CCDC171: variants seen among roughly 807,000 people sequenced by gnomAD.
CCDC171 encodes the protein coiled-coil domain containing 171.
In CCDC171, 177 loss-of-function variants were observed where a neutral mutation model predicts 168.2. That is an observed-to-expected ratio of 1.05 (90% CI 0.93 to 1.19). CCDC171 has a LOEUF of 1.19. Ranked by LOEUF, CCDC171 falls within the 50% of genes most tolerant of loss-of-function variation. The pLI is 0.00. For synonymous variants in CCDC171, 687 were observed against 540.8 expected (o/e 1.27, Z -3.75); for missense variants, 1,991 against 1,539.0 (o/e 1.29, Z -4.91).
chr9:15,582,616 G>A (rs2041220493), intron 4 of CCDC171, among the ~76,000 whole-genome samples: 1 of 152,140 alleles, frequency 6.6e-6, no homozygotes, highest in African/African-American at 2.4e-5. Context: ...AAAAGGATGA[G>A]TTCATGTCCT....
chr9:15,946,584 G>C (rs1247807487), intron 25 of CCDC171, among the ~76,000 whole-genome samples: 1 of 151,968 alleles, frequency 6.6e-6, no homozygotes, highest in Non-Finnish European at 1.5e-5. Context: ...TCGTGAAAAT[G>C]GCCATACTGC....
intron 2 of CCDC171, among the ~76,000 whole-genome samples, chr9:15,566,499 C>T (rs1050874730): frequency 1.3e-5 from 2 of 152,330 alleles, no homozygotes; most frequent in African/African-American, 4.8e-5. Flanking sequence ...GCGGAGATTG[C>T]AGTGAGCCTA....
intron 6 of CCDC171, among the ~76,000 whole-genome samples, chr9:15,613,929 G>A (rs2043897003): frequency 6.6e-6 from 1 of 152,192 alleles, no homozygotes; most frequent in Non-Finnish European, 1.5e-5. Flanking sequence ...TGTCATGTGT[G>A]GCCAATGAAA....
intron 11 of CCDC171, among the ~76,000 whole-genome samples, chr9:15,717,934 A>C (rs10738407): frequency 0.95 from 144,574 of 152,312 alleles, 68,651 homozygotes; most frequent in East Asian, 1. Flanking sequence ...GCAAGAGATT[A>C]TTTCTGCTTG....
At chr9:15,960,355 C>T (rs992460940) in intron 25 of CCDC171, among the ~76,000 whole-genome samples, 3 of 152,034 alleles carry the variant, frequency 2.0e-5, no homozygotes, top group African/African-American at 7.3e-5. Context: ...ACATCATAGG[C>T]ACTTGATAGA....
At chr9:15,600,837 G>C (rs1052192336) in intron 6 of CCDC171, among the ~76,000 whole-genome samples, 1 of 152,146 alleles carries the variant, frequency 6.6e-6, no homozygotes, top group Non-Finnish European at 1.5e-5. Context: ...CCACAATGGC[G>C]GGCGTCCCTC....
intron 6 of CCDC171, among the ~76,000 whole-genome samples, chr9:16,032,498 T>C (rs1359936960): frequency 2.0e-5 from 3 of 152,198 alleles, no homozygotes; most frequent in African/African-American, 7.2e-5. Flanking sequence ...GTCTGGGATC[T>C]GGCTTCTCTC....
At chr9:15,955,627 T>A (rs1330411235) in intron 25 of CCDC171, among the ~76,000 whole-genome samples, 1 of 152,178 alleles carries the variant, frequency 6.6e-6, no homozygotes, top group Non-Finnish European at 1.5e-5. Flanking sequence ...AGCCTTCCCC[T>A]GGAAGTTGCA....
At chr9:15,878,599 A>G (rs112904108) in intron 24 of CCDC171, among the ~76,000 whole-genome samples, 2 of 152,116 alleles carry the variant, frequency 1.3e-5, no homozygotes, top group Non-Finnish European at 2.9e-5. Context: ...AAACAGAACT[A>G]CCATTTGACC....
chr9:15,656,874 T>C (rs1292894159), intron 7 of CCDC171, among the ~76,000 whole-genome samples: 1 of 151,954 alleles, frequency 6.6e-6, no homozygotes, highest in East Asian at 1.9e-4. Flanking sequence ...TAAAAATTTA[T>C]CAAAAAGTAT....
rs538012045 is a variant in CCDC171, at chr9:15,641,436, A to G, written c.823-15691A>G. On this transcript the variant is annotated intron_variant, in intron 7 of 25. Transcript: ENST00000380701. ...TAGTAGAAACTGTTTTGTTTACTCA[A>G]TCTTTCAGCACATTCATTGTACACA... Among the ~76,000 whole-genome samples, 20 of 152,294 alleles carry G rather than the reference A, an allele frequency of 1.3e-4. No homozygotes were observed. In the East Asian group the frequency reaches 2.1e-3, roughly 16 times the overall value.
chr9:15,905,908 A>T (rs1822517737), intron 24 of CCDC171, among the ~76,000 whole-genome samples: 1 of 152,250 alleles, frequency 6.6e-6, no homozygotes, highest in Non-Finnish European at 1.5e-5. Context: ...TACGCAAATA[A>T]ACTAGAAAAT....
chr9:16,058,052 A>AAT (rs1554716687), intron 1 of CCDC171, among the ~76,000 whole-genome samples: 6 of 150,832 alleles, frequency 4.0e-5, no homozygotes, highest in South Asian at 2.1e-4. Flanking sequence ...GAAAAAAAAA[A>AAT]AATAATAATA....
intron 3 of CCDC171, among the ~76,000 whole-genome samples, chr9:15,999,499 C>T (rs1273699850): frequency 2.0e-5 from 3 of 152,136 alleles, no homozygotes; most frequent in Non-Finnish European, 4.4e-5. Context: ...AAGGTTGAAG[C>T]ACCCGCACGC....
chr9:16,071,410 G>C, the CCDC171 span, among the ~76,000 whole-genome samples: 2 of 152,076 alleles, frequency 1.3e-5, no homozygotes, highest in East Asian at 3.9e-4. Flanking sequence ...TCAAGCCCTC[G>C]ACCTTCAGTG....
chr9:15,601,928 C>G (rs553827334), intron 6 of CCDC171, among the ~76,000 whole-genome samples: 113 of 152,244 alleles, frequency 7.4e-4, no homozygotes, highest in Non-Finnish European at 1.4e-3. Flanking sequence ...CAGATCAGTC[C>G]TGTAAATCCT....
chr9:15,984,861 A>G (rs919182686), intron 3 of CCDC171, among the ~76,000 whole-genome samples: 1 of 152,186 alleles, frequency 6.6e-6, no homozygotes, highest in African/African-American at 2.4e-5. Flanking sequence ...TGCTAAGTTT[A>G]AAGTCACTAT....
intron 7 of CCDC171, among the ~76,000 whole-genome samples, chr9:15,626,775 C>T (rs554911769): frequency 1.1e-4 from 16 of 152,082 alleles, no homozygotes; most frequent in African/African-American, 3.6e-4. Context: ...CTAAAATTCT[C>T]TTTTTTTTAG....
At chr9:15,890,637 A>AAG (rs77971095) in intron 24 of CCDC171, among the ~76,000 whole-genome samples, 29,005 of 151,856 alleles carry the variant, frequency 0.19, 3,042 homozygotes, top group African/African-American at 0.3. Flanking sequence ...AATGTACAAA[A>AAG]TAAATTCATT....
Sources: gnomAD v4.1 joint callset for allele counts (sites outside exome capture counted in the v4.1 genomes callset) on GRCh38, gnomAD v4.1.1 for gene constraint, MANE v1.5 for transcripts, NCBI Gene and HGNC (gene_info 2026-07-23, HGNC 2026-07-21) for gene names.